Variants in SLC35F1 observed in about 807,000 individuals in gnomAD.
SLC35F1 encodes the protein chromosome 6 open reading frame 169.
Under a neutral mutation model 48.7 loss-of-function variants are expected in SLC35F1, and 14 were observed. That is an observed-to-expected ratio of 0.29 (90% CI 0.19 to 0.45). SLC35F1 has a LOEUF of 0.45. SLC35F1 is among the 20% of genes least tolerant of loss of function. The pLI is 1.00. For synonymous variants in SLC35F1, 190 were observed against 202.2 expected (o/e 0.94, Z 0.51); for missense variants, 404 against 500.0 (o/e 0.81, Z 1.83).
intron 2 of SLC35F1, among the ~76,000 whole-genome samples, chr6:118,213,153 C>T (rs1341153684): frequency 6.6e-6 from 1 of 152,186 alleles, no homozygotes; most frequent in Non-Finnish European, 1.5e-5. Flanking sequence ...CTCTACACCT[C>T]TTCCTCTCAC....
intron 1 of SLC35F1, among the ~76,000 whole-genome samples, chr6:118,085,523 A>C (rs1247954136): frequency 3.9e-5 from 3 of 76,208 alleles, no homozygotes; most frequent in African/African-American, 1.7e-4. Context: ...TTTGAGGTAG[A>C]GCCTCACTCT....
In SLC35F1 at chr6:118,107,820, G is replaced by T. The variant is rs554022009; in HGVS notation, c.174-46625G>T. ...TAATGAAGACAATAGTATGAATGGT[G>T]TTAGGGATCAAGGAAAAATTACAGA... On this transcript the variant is annotated intron_variant, in intron 1 of 7. Transcript: ENST00000360388. Among the ~76,000 whole-genome samples, 4 of 152,036 alleles carry T rather than the reference G, an allele frequency of 2.6e-5. No individual in the cohort carries two copies. The East Asian group carries it at 7.7e-4, about 29-fold the overall frequency.
chr6:118,066,388 G>A (rs922401946), intron 1 of SLC35F1, among the ~76,000 whole-genome samples: 2 of 152,150 alleles, frequency 1.3e-5, no homozygotes, highest in South Asian at 4.1e-4. Context: ...AGGACCTGAA[G>A]GCATGCTCCA....
chr6:117,925,271 A>G (rs1776013311), intron 1 of SLC35F1, among the ~76,000 whole-genome samples: 1 of 152,116 alleles, frequency 6.6e-6, no homozygotes, highest in South Asian at 2.1e-4. Flanking sequence ...TGGTACAACC[A>G]GATTGAAGAT....
chr6:117,948,352 C>T (rs1257338283), intron 1 of SLC35F1, among the ~76,000 whole-genome samples: 3 of 152,078 alleles, frequency 2.0e-5, no homozygotes, highest in African/African-American at 7.2e-5. Context: ...TAAAGAGTAC[C>T]TACTCCTTTA....
intron 3 of SLC35F1, among the ~76,000 whole-genome samples, chr6:118,244,741 G>A (rs1490730896): frequency 6.6e-6 from 1 of 152,182 alleles, no homozygotes; most frequent in East Asian, 1.9e-4. Flanking sequence ...AAAAATCTTT[G>A]AAAGTGGGAC....
chr6:118,190,203 C>A (rs980071636), intron 2 of SLC35F1, among the ~76,000 whole-genome samples: 2 of 152,162 alleles, frequency 1.3e-5, no homozygotes, highest in South Asian at 4.1e-4. Flanking sequence ...CACTGGGAAA[C>A]AGTAGAACAG....
At chr6:118,281,099 A>G (rs989655429) in intron 6 of SLC35F1, among the ~76,000 whole-genome samples, 2 of 151,524 alleles carry the variant, frequency 1.3e-5, no homozygotes, top group African/African-American at 4.8e-5. Flanking sequence ...GAAAGAACAC[A>G]ACTGAAATCC....
Position 118,078,068 on chromosome 6 carries a change from A to G in SLC35F1, c.174-76377A>G, listed in dbSNP as rs537171823. 3.3e-5 allele frequency among the ~76,000 whole-genome samples: 5 copies of G among 151,922 alleles called. No individual in the cohort carries two copies. In the East Asian group the frequency reaches 9.7e-4, roughly 29 times the overall value. ...CTAAAGCAATGGAACCTTTTTTTTT[A>G]ATGGCTTCTCATTTCACTGATATCA... On this transcript the variant is annotated intron_variant, in intron 1 of 7. Coordinates refer to ENST00000360388, the MANE Select transcript of SLC35F1 (RefSeq NM_001029858.4).
intron 7 of SLC35F1, among the ~76,000 whole-genome samples, chr6:118,308,419 A>T (rs189006994): frequency 6.6e-6 from 1 of 152,316 alleles, no homozygotes; most frequent in Admixed American, 6.5e-5. Context: ...AAATTAACAG[A>T]CCAGTCGCTC....
At chr6:118,274,114 C>G (rs1775891010) in intron 4 of SLC35F1, among the ~76,000 whole-genome samples, 1 of 152,150 alleles carries the variant, frequency 6.6e-6, no homozygotes, top group African/African-American at 2.4e-5. Flanking sequence ...ATCATGAGTC[C>G]TTTCCTTAGA....
chr6:118,105,132 G>T (rs79131909), intron 1 of SLC35F1, among the ~76,000 whole-genome samples: 1 of 152,146 alleles, frequency 6.6e-6, no homozygotes, highest in African/African-American at 2.4e-5. Context: ...CTGTTTGCTT[G>T]GTTGCATCTA....
intron 1 of SLC35F1, among the ~76,000 whole-genome samples, chr6:118,101,064 C>T (rs917106359): frequency 6.6e-6 from 1 of 151,654 alleles, no homozygotes; most frequent in African/African-American, 2.4e-5. Context: ...GTTGCCTGTT[C>T]AGATAGGAAT....
At chr6:117,949,644 C>T (rs547063293) in intron 1 of SLC35F1, among the ~76,000 whole-genome samples, 147 of 152,214 alleles carry the variant, frequency 9.7e-4, no homozygotes, top group African/African-American at 3.4e-3. Flanking sequence ...TCATTTTCAT[C>T]ATGTAATTAT....
intron 2 of SLC35F1, among the ~76,000 whole-genome samples, chr6:118,191,847 A>G (rs1478072221): frequency 6.6e-6 from 1 of 152,202 alleles, no homozygotes; most frequent in East Asian, 1.9e-4. Flanking sequence ...TAAATGGCCC[A>G]TCAGGTAAAC....
chr6:118,300,790 T>G (rs893408664), intron 7 of SLC35F1, among the ~76,000 whole-genome samples: 5 of 152,212 alleles, frequency 3.3e-5, no homozygotes, highest in African/African-American at 9.6e-5. Flanking sequence ...TCCTTCTCAT[T>G]TGAATTATTT....
At chr6:118,299,929 T>C (rs1045696613) in intron 7 of SLC35F1, among the ~76,000 whole-genome samples, 9 of 152,078 alleles carry the variant, frequency 5.9e-5, no homozygotes, top group Admixed American at 5.2e-4. Flanking sequence ...CAAAGGGGGG[T>C]CATAATAGTA....
intron 5 of SLC35F1, 50 bp downstream of exon 5, chr6:118,275,665 T>TA: frequency 6.4e-7 from 1 of 1,558,226 alleles, no homozygotes; most frequent in Non-Finnish European, 8.7e-7. Context: ...TGTCAAGACT[T>TA]ATTCTTACAA....
intron 1 of SLC35F1, among the ~76,000 whole-genome samples, chr6:118,105,874 A>C (rs1174603151): frequency 6.6e-6 from 1 of 152,192 alleles, no homozygotes; most frequent in Admixed American, 6.5e-5. Flanking sequence ...ATCAAAGTAG[A>C]TAGTATGATG....
Sources: gnomAD v4.1 joint callset for allele counts (sites outside exome capture counted in the v4.1 genomes callset) on GRCh38, gnomAD v4.1.1 for gene constraint, MANE v1.5 for transcripts, NCBI Gene and HGNC (gene_info 2026-07-23, HGNC 2026-07-21) for gene names.